CATSPERE: variants seen among roughly 807,000 people sequenced by gnomAD.
The protein encoded by CATSPERE is catsper channel auxiliary subunit epsilon.
A neutral mutation model predicts 114.1 loss-of-function variants in CATSPERE; 93 were observed. The ratio of observed to expected loss-of-function variants is 0.81; its 90% confidence interval spans 0.69 to 0.97. CATSPERE has a LOEUF of 0.97. CATSPERE is among the 50% of genes least tolerant of loss of function. The pLI, the probability that CATSPERE is intolerant of heterozygous loss-of-function variation, is 0.00. For missense variants in CATSPERE, 1,058 were observed against 1,131.6 expected, an observed-to-expected ratio of 0.93 and a Z score of 0.93; for synonymous variants, 341 against 384.1, an observed-to-expected ratio of 0.89 and a Z score of 1.31.
intron 8 of CATSPERE, among the ~76,000 whole-genome samples, chr1:244,542,178 A>G (rs1658927833): frequency 6.7e-6 from 1 of 148,732 alleles, no homozygotes; most frequent in Admixed American, 6.7e-5. Context: ...AAAGTAGAGC[A>G]GTGTTCCAAC....
At chr1:244,561,877 C>A (rs546362433) in intron 10 of CATSPERE, among the ~76,000 whole-genome samples, 5 of 152,204 alleles carry the variant, frequency 3.3e-5, no homozygotes, top group African/African-American at 1.2e-4. Flanking sequence ...TGAGGCCAGG[C>A]GTGGTGGCTC....
At chr1:244,484,659 G>T (rs1302154518) in intron 5 of CATSPERE, among the ~76,000 whole-genome samples, 1 of 152,112 alleles carries the variant, frequency 6.6e-6, no homozygotes, top group East Asian at 1.9e-4. Flanking sequence ...CTTTCTAGTT[G>T]TTTGTTTATC....
intron 8 of CATSPERE, among the ~76,000 whole-genome samples, chr1:244,521,566 T>C (rs1260429865): frequency 6.6e-6 from 1 of 152,156 alleles, no homozygotes; most frequent in East Asian, 1.9e-4. Context: ...CTTCCTGCTT[T>C]CCTCGGCTTA....
intron 8 of CATSPERE, among the ~76,000 whole-genome samples, chr1:244,550,392 G>A (rs139842258): frequency 1.6e-4 from 24 of 152,220 alleles, no homozygotes; most frequent in East Asian, 1.3e-3. Context: ...TCTGAAAAGC[G>A]TATAGTCACA....
chr1:244,469,531 G>A (rs548450436), intron 2 of CATSPERE, among the ~76,000 whole-genome samples: 1 of 152,066 alleles, frequency 6.6e-6, no homozygotes, highest in Non-Finnish European at 1.5e-5. Flanking sequence ...CAGAGCCAGG[G>A]CAATAATGCA....
At chr1:244,631,565 T>C (rs1409775868) in intron 20 of CATSPERE, among the ~76,000 whole-genome samples, 1 of 152,118 alleles carries the variant, frequency 6.6e-6, no homozygotes. Flanking sequence ...ATCCAATAAA[T>C]GATTATTATC....
chr1:244,602,277 G>A (rs1421760086), intron 17 of CATSPERE, among the ~76,000 whole-genome samples: 1 of 152,204 alleles, frequency 6.6e-6, no homozygotes, highest in East Asian at 1.9e-4. Flanking sequence ...AAGGTCCATT[G>A]TCCAGTTCCA....
chr1:244,550,672 C>G (rs1432440015), intron 8 of CATSPERE, among the ~76,000 whole-genome samples: 1 of 152,160 alleles, frequency 6.6e-6, no homozygotes, highest in East Asian at 1.9e-4. Context: ...GGAAATTACA[C>G]TGAGTTTCTT....
intron 8 of CATSPERE, among the ~76,000 whole-genome samples, chr1:244,543,361 C>T (rs1259741483): frequency 6.6e-6 from 1 of 151,934 alleles, no homozygotes; most frequent in African/African-American, 2.4e-5. Context: ...AAGGACATAA[C>T]ACTAAGTGAA....
intron 17 of CATSPERE, among the ~76,000 whole-genome samples, chr1:244,602,967 G>A (rs958154293): frequency 6.6e-6 from 1 of 152,088 alleles, no homozygotes; most frequent in African/African-American, 2.4e-5. Context: ...GGGAAATGTG[G>A]GCAGAGCCTT....
At chr1:244,491,525 A>G (rs1267401339) in intron 6 of CATSPERE, among the ~76,000 whole-genome samples, 4 of 152,208 alleles carry the variant, frequency 2.6e-5, no homozygotes, top group Non-Finnish European at 5.9e-5. Context: ...TAACGTCACA[A>G]TTAAAAGAAC....
Position 244,607,680 on chromosome 1 carries a change from G to A in CATSPERE, c.2403+1886G>A, listed in dbSNP as rs1419808391. On this transcript the variant is annotated intron_variant, in intron 18 of 21. Coordinates refer to ENST00000366534, the MANE Select transcript of CATSPERE (RefSeq NM_001130957.2). The surrounding 1 kb of genome is among the most constrained non-coding windows in gnomAD (Gnocchi z 4.4). ...TCAGTGTATTACAGCAACAAGTAAGGCTGGAGTAGATGAGAGCTGGAATGC... is the reference window on the plus strand; with the variant it reads ...TCAGTGTATTACAGCAACAAGTAAGACTGGAGTAGATGAGAGCTGGAATGC... Among the ~76,000 whole-genome samples the A allele has an allele frequency of 6.6e-6, 1 of 152,192 alleles. No homozygotes were observed. The highest frequency in any genetic ancestry group is 1.5e-5 in the Non-Finnish European group (1 of 68,044).
chr1:244,507,161 T>C (rs1674951787), intron 7 of CATSPERE, among the ~76,000 whole-genome samples: 2 of 152,348 alleles, frequency 1.3e-5, no homozygotes, highest in Admixed American at 1.3e-4. Flanking sequence ...CTTCCATTGC[T>C]GAATATTTAG....
chr1:244,498,747 A>G (rs1192259246), intron 6 of CATSPERE, among the ~76,000 whole-genome samples: 1 of 151,968 alleles, frequency 6.6e-6, no homozygotes, highest in East Asian at 1.9e-4. Context: ...AAAATACAAA[A>G]ATTAGCCAGG....
intron 10 of CATSPERE, 59 bp downstream of exon 10, chr1:244,561,204 T>C: frequency 2.5e-6 from 3 of 1,215,194 alleles, no homozygotes; most frequent in African/African-American, 1.5e-5. Context: ...ATCTTCCTTA[T>C]AATGATGTAA....
In CATSPERE at chr1:244,640,169, G is replaced by A. The variant is rs1675185950; in HGVS notation, c.*88G>A. The A allele has an allele frequency of 9.3e-7, 1 of 1,071,112 alleles. No homozygotes were observed. Among genetic ancestry groups the A allele is most frequent in the Admixed American group, 3.1e-5 (1 of 31,840 alleles). The allele number at this position is 1,071,112 out of a possible 1,614,324, so 66.4% of individuals were successfully genotyped here. On this transcript the variant is annotated 3_prime_UTR_variant, in exon 22 of 22. Coordinates refer to ENST00000366534, the MANE Select transcript of CATSPERE (RefSeq NM_001130957.2). ...ATATTGAGAGTGTGTGTTTGACCAA[G>A]AAATACTAAATATAAGCTCGTAGTA...
intron 21 of CATSPERE, among the ~76,000 whole-genome samples, chr1:244,636,102 C>T (rs1674600453): frequency 6.6e-6 from 1 of 152,160 alleles, no homozygotes; most frequent in South Asian, 2.1e-4. Flanking sequence ...CTGCTCTAAG[C>T]CTGGGTCAGC....
At chr1:244,613,651 G>A (rs1469318556) in intron 19 of CATSPERE, among the ~76,000 whole-genome samples, 1 of 152,152 alleles carries the variant, frequency 6.6e-6, no homozygotes, top group Non-Finnish European at 1.5e-5. Flanking sequence ...TGAGGCTTCT[G>A]TTCCTCAGTT....
At position 244,552,702 on chromosome 1, in the gene CATSPERE, A is replaced by T. The variant is rs1660853632; in HGVS notation, c.917A>T (p.Tyr306Phe). Residue 306 changes from tyrosine to phenylalanine, a missense_variant, in exon 9 of 22, where the codon TAC (tyrosine) becomes TTC (phenylalanine). Physicochemically the swap from Tyr to Phe is conservative, Grantham distance 22 (BLOSUM62 3). This residue lies in a region of CATSPERE where 787 missense variants were observed against 905.6 expected (regional missense o/e 0.87). Coordinates refer to ENST00000366534, the MANE Select transcript of CATSPERE (RefSeq NM_001130957.2). Reference sequence around the variant, plus strand: ...GTTTTTCTTATAAATGGTGTTCTTTACATAAAGAGTTTTCGTGGATTTATA... The same window carrying T: ...GTTTTTCTTATAAATGGTGTTCTTTTCATAAAGAGTTTTCGTGGATTTATA... ...GIVFLINGVL[Y>F]IKSFRGFIRL... 6.2e-7 allele frequency: 1 copy of T among 1,613,976 alleles called. No individual in the cohort carries two copies. Among genetic ancestry groups the T allele is most frequent in the Non-Finnish European group, 8.5e-7 (1 of 1,179,992 alleles).
Sources: allele counts gnomAD v4.1 joint callset (sites outside exome capture counted in the v4.1 genomes callset), GRCh38; gene constraint gnomAD v4.1.1; regional missense constraint gnomAD v4.1.1; non-coding constraint Gnocchi (gnomAD v3.1); transcripts MANE v1.5; gene names NCBI Gene and HGNC (gene_info 2026-07-23, HGNC 2026-07-21).